Variants in POU2F1 observed in about 807,000 individuals in gnomAD.
POU2F1 encodes the protein POU domain, class 2, transcription factor 1.
A neutral mutation model predicts 84.9 loss-of-function variants in POU2F1; 16 were observed. The observed-to-expected ratio is 0.19, with a 90% CI of 0.13 to 0.29. POU2F1 has a LOEUF of 0.29. Among genes scored for constraint, POU2F1 ranks in the 10% least tolerant of loss-of-function variants. The pLI is 1.00. For missense variants in POU2F1, 738 were observed against 942.6 expected (o/e 0.78, Z 2.84); for synonymous variants, 368 against 368.3 (o/e 1.00, Z 0.01).
rs566950336 is a variant in POU2F1 at position 167,260,003 on chromosome 1, C to T, written c.61+39045C>T. 7.2e-4 allele frequency among the ~76,000 whole-genome samples: 109 copies of T among 152,130 alleles called. 1 individual carries two copies. The South Asian group carries it at 0.021, about 30-fold the overall frequency. On this transcript the variant is annotated intron_variant, in intron 1 of 15. Coordinates refer to ENST00000367866, the MANE Select transcript of POU2F1 (RefSeq NM_002697.4). ...ACGCGATTCTCCTGCCTCAGCCTCC[C>T]GAGTAGCTGGGACTACAGGCACCCG...
intron 2 of POU2F1, among the ~76,000 whole-genome samples, chr1:167,351,409 T>C (rs1157602251): frequency 5.0e-4 from 75 of 150,706 alleles, no homozygotes; most frequent in Admixed American, 4.9e-3. Context: ...TCCCAACTAC[T>C]TGGGAGGCTG....
At chr1:167,222,024 C>T (rs904330351) in intron 1 of POU2F1, among the ~76,000 whole-genome samples, 1 of 152,142 alleles carries the variant, frequency 6.6e-6, no homozygotes, top group Admixed American at 6.5e-5. Flanking sequence ...GCTGCCCCCC[C>T]TCCGTTCCCC....
At chr1:167,322,426 A>T (rs1402874315) in intron 1 of POU2F1, among the ~76,000 whole-genome samples, 3 of 152,240 alleles carry the variant, frequency 2.0e-5, no homozygotes, top group African/African-American at 7.2e-5. Context: ...TAATCCTACC[A>T]TCCTCACTGG....
chr1:167,280,583 T>A (rs1429936243), intron 1 of POU2F1, among the ~76,000 whole-genome samples: 1 of 152,194 alleles, frequency 6.6e-6, no homozygotes, highest in Non-Finnish European at 1.5e-5. Context: ...GGCTTTTACA[T>A]GGCCCTTTGT....
intron 1 of POU2F1, among the ~76,000 whole-genome samples, chr1:167,296,772 AAGTC>A (rs1654310999): frequency 1.3e-5 from 2 of 152,202 alleles, no homozygotes; most frequent in Non-Finnish European, 2.9e-5. Context: ...GTATATGTAA[AAGTC>A]AGATCATATC....
At chr1:167,228,690 A>T (rs1294806843) in intron 1 of POU2F1, among the ~76,000 whole-genome samples, 1 of 152,236 alleles carries the variant, frequency 6.6e-6, no homozygotes, top group Non-Finnish European at 1.5e-5. Flanking sequence ...TGCATTTCTT[A>T]GCCTGATTAG....
intron 1 of POU2F1, among the ~76,000 whole-genome samples, chr1:167,250,522 T>A (rs1224524152): frequency 6.6e-6 from 1 of 152,176 alleles, no homozygotes; most frequent in African/African-American, 2.4e-5. Context: ...AAAAAAGTAA[T>A]CTTGTGTTTT....
At chr1:167,378,640 G>C (rs373359787) in intron 7 of POU2F1, among the ~76,000 whole-genome samples, 1 of 151,170 alleles carries the variant, frequency 6.6e-6, no homozygotes, top group Non-Finnish European at 1.5e-5. Context: ...TCCTGATCTC[G>C]GGTGATCCGC....
chr1:167,339,696 A>G (rs1272390039), intron 2 of POU2F1, among the ~76,000 whole-genome samples: 5 of 152,198 alleles, frequency 3.3e-5, no homozygotes, highest in African/African-American at 1.2e-4. Context: ...TGTTTTCTAC[A>G]TTCTTTTGAA....
At chr1:167,375,428 T>C (rs1441176478) in intron 6 of POU2F1, among the ~76,000 whole-genome samples, 3 of 152,210 alleles carry the variant, frequency 2.0e-5, no homozygotes, top group African/African-American at 4.8e-5. Flanking sequence ...GAAAACACTT[T>C]GAAAATTATA....
chr1:167,350,782 T>C (rs1427822657), intron 2 of POU2F1, among the ~76,000 whole-genome samples: 1 of 151,980 alleles, frequency 6.6e-6, no homozygotes, highest in African/African-American at 2.4e-5. Flanking sequence ...GCAGATCACC[T>C]GAGGTCGGGA....
chr1:167,412,405 T>A, intron 14 of POU2F1, 101 bp downstream of exon 14: 1 of 887,950 alleles, frequency 1.1e-6, no homozygotes, highest in Non-Finnish European at 1.7e-6. Flanking sequence ...GGGAAAAAAA[T>A]GTCTTTAAAG....
chr1:167,338,196 G>A (rs1470133829), intron 2 of POU2F1: 1 of 467,982 alleles, frequency 2.1e-6, no homozygotes, highest in Admixed American at 2.3e-5. Flanking sequence ...CTCCTTCTCA[G>A]CCTACTCAGC....
intron 2 of POU2F1, among the ~76,000 whole-genome samples, chr1:167,364,878 A>C (rs962226011): frequency 1.3e-5 from 2 of 152,108 alleles, no homozygotes; most frequent in East Asian, 1.9e-4. Context: ...CTCGCATAAC[A>C]TTTTGAAAAA....
chr1:167,306,934 C>T (rs1189349586), intron 1 of POU2F1, among the ~76,000 whole-genome samples: 10 of 152,186 alleles, frequency 6.6e-5, no homozygotes, highest in Non-Finnish European at 1.5e-5. Context: ...CAATCCGTAA[C>T]AGATGTTAAG....
At chr1:167,377,865 T>A (rs1660433177) in intron 7 of POU2F1, among the ~76,000 whole-genome samples, 1 of 152,184 alleles carries the variant, frequency 6.6e-6, no homozygotes, top group Non-Finnish European at 1.5e-5. Flanking sequence ...GTTCCCTTCT[T>A]TGTGTACATA....
intron 2 of POU2F1, among the ~76,000 whole-genome samples, chr1:167,333,460 A>G (rs565800757): frequency 1.3e-5 from 2 of 152,228 alleles, no homozygotes; most frequent in South Asian, 4.1e-4. Flanking sequence ...TTGACTTATC[A>G]TTTTAAAAAT....
At position 167,389,690 on chromosome 1, in the gene POU2F1, A is replaced by C. The variant is rs776535690; in HGVS notation, c.916A>C (p.Ser306Arg). The C allele has an allele frequency of 6.2e-7, 1 of 1,614,208 alleles. No individual in the cohort carries two copies. Among genetic ancestry groups the C allele is most frequent in the Admixed American group, 1.7e-5 (1 of 60,020 alleles). ...RIDTPSLEEPSDLEELEQFAK... is the reference protein window; with the variant it reads ...RIDTPSLEEPRDLEELEQFAK... Reference sequence around the variant, plus strand: ...TGATACTCCCAGCTTGGAGGAGCCCAGTGACCTTGAGGAGCTTGAGCAGTT... The same window carrying C: ...TGATACTCCCAGCTTGGAGGAGCCCCGTGACCTTGAGGAGCTTGAGCAGTT... Residue 306 changes from serine to arginine, a missense_variant, in exon 9 of 16, where the codon AGT (serine) becomes CGT (arginine). Ser to Arg is a moderately radical substitution (Grantham distance 110). This residue lies in a region of POU2F1 where 95 missense variants were observed against 195.1 expected (regional missense o/e 0.49). Coordinates refer to ENST00000367866, the MANE Select transcript of POU2F1 (RefSeq NM_002697.4).
chr1:167,358,737 T>TTTTTTTTTTTTTTTTTTTTTTG lies in POU2F1; in HGVS notation c.128-6730_128-6729insTTTTTTTTTTTTTTTTTTTTTG, dbSNP rs71097670. Reference sequence around the variant, plus strand: ...GCAGCTTTTTTTTTTTTTTTTTTTTTGAGACAGGTTCTGACTGTGCTGCTC... The same window carrying TTTTTTTTTTTTTTTTTTTTTTG: ...GCAGCTTTTTTTTTTTTTTTTTTTTTTTTTTTTTTTTTTTTTTTTTTGGAGACAGGTTCTGACTGTGCTGCTC... On this transcript the variant is annotated intron_variant, in intron 2 of 15. Transcript: ENST00000367866. Among the ~76,000 whole-genome samples the TTTTTTTTTTTTTTTTTTTTTTG allele has an allele frequency of 1.6e-4, 14 of 88,772 alleles. 2 individuals carry two copies. Among genetic ancestry groups the TTTTTTTTTTTTTTTTTTTTTTG allele is most frequent in the Admixed American group, 3.3e-4 (2 of 6,096 alleles). 58.2% of individuals were successfully genotyped at this position (88,772 alleles called of 152,430 possible).
Sources: allele counts gnomAD v4.1 joint callset (sites outside exome capture counted in the v4.1 genomes callset), GRCh38; gene constraint gnomAD v4.1.1; regional missense constraint gnomAD v4.1.1; transcripts MANE v1.5; gene names NCBI Gene and HGNC (gene_info 2026-07-23, HGNC 2026-07-21).